The following TAF2 variants were observed in gnomAD, a reference collection of about 807,000 sequenced individuals.
TAF2 encodes transcription initiation factor TFIID subunit 2.
Under a neutral mutation model 138.5 loss-of-function variants are expected in TAF2, and 61 were observed. The observed-to-expected ratio is 0.44, with a 90% CI of 0.36 to 0.54. The LOEUF (loss-of-function observed/expected upper bound fraction) is 0.54, where lower values mean the gene tolerates loss of function less well. Among genes scored for constraint, TAF2 ranks in the 20% least tolerant of loss-of-function variants. The pLI is 0.00. For missense variants in TAF2, 1,090 were observed against 1,427.9 expected (o/e 0.76, Z 3.81); for synonymous variants, 475 against 469.9 (o/e 1.01, Z -0.14).
intron 2 of TAF2, among the ~76,000 whole-genome samples, chr8:119,819,853 A>C (rs758725134): frequency 6.6e-6 from 1 of 152,202 alleles, no homozygotes; most frequent in Non-Finnish European, 1.5e-5. Flanking sequence ...GCAGAAAGGG[A>C]ATCAAAATCA....
At chr8:119,770,855 G>A (rs1821782300) in intron 18 of TAF2, among the ~76,000 whole-genome samples, 1 of 152,216 alleles carries the variant, frequency 6.6e-6, no homozygotes, top group Admixed American at 6.5e-5. Context: ...CGGACTGCCT[G>A]AACTCAGGAG....
intron 23 of TAF2, chr8:119,744,972 C>A (rs1563820074): frequency 1.3e-5 from 6 of 456,154 alleles, no homozygotes; most frequent in Non-Finnish European, 2.6e-5. Context: ...ATCAGACTTC[C>A]TCTTCACTCC....
chr8:119,825,742 T>C (rs1420211193), intron 2 of TAF2, among the ~76,000 whole-genome samples: 1 of 152,152 alleles, frequency 6.6e-6, no homozygotes, highest in East Asian at 1.9e-4. Context: ...TGGAGGGCAG[T>C]GGTGCGATCT....
Position 119,793,437 on chromosome 8 carries a change from T to A in TAF2, c.1206A>T (p.Ile402=). ...RHWIKEELDK[I]VAYELKTGGV... ...CACCAGTTTTTAGTTCATATGCCAC[T>A]ATTTTGTCTAGCTCCTAAAAAATAT... Residue 402 remains isoleucine (I), a synonymous_variant, in exon 10 of 26, where the codon ATA becomes ATT. Transcript: ENST00000378164. 1 of 1,612,666 alleles carries A rather than the reference T, an allele frequency of 6.2e-7. No homozygotes were observed. The highest frequency in any genetic ancestry group is 8.5e-7 in the Non-Finnish European group (1 of 1,179,058).
chr8:119,744,480 G>A lies in TAF2; in HGVS notation c.3109-87C>T, dbSNP rs1819816911. 4 of 1,086,912 alleles carry A rather than the reference G, an allele frequency of 3.7e-6. No individual in the cohort carries two copies. The African/African-American group carries it at 6.2e-5, about 17-fold the overall frequency. The allele number at this position is 1,086,912 out of a possible 1,614,324, so 67.3% of individuals were successfully genotyped here. ...ATTAGCTCTTAGGAAAAGTAGCAGA[G>A]AGGCCATAGGATATACCCCCATATA... On this transcript the variant is annotated intron_variant, in intron 23 of 25. Coordinates refer to ENST00000378164, the MANE Select transcript of TAF2 (RefSeq NM_003184.4).
chr8:119,809,981 C>CA (rs1824926509), intron 3 of TAF2, among the ~76,000 whole-genome samples: 2 of 115,160 alleles, frequency 1.7e-5, no homozygotes, highest in South Asian at 6.0e-4. Context: ...GTAAGGTTAT[C>CA]ACAAACCTTC....
In TAF2 at chr8:119,781,159, G is replaced by A. The variant is rs1822623838; in HGVS notation, c.2147C>T (p.Pro716Leu). 3 of 1,613,980 alleles carry A rather than the reference G, an allele frequency of 1.9e-6. No homozygotes were observed. The highest frequency in any genetic ancestry group is 2.5e-6 in the Non-Finnish European group (3 of 1,180,000). ...AGTGAAGAGTGACTTCATGGCTGGTGGTCCTGTCCATGTGCTCACCATTGA... is the reference window on the plus strand; with the variant it reads ...AGTGAAGAGTGACTTCATGGCTGGTAGTCCTGTCCATGTGCTCACCATTGA... ...ANSMVSTWTG[P>L]PAMKSLFTRM... Residue 716 changes from proline to leucine, a missense_variant, in exon 17 of 26, where the codon CCA (proline) becomes CTA (leucine). By Grantham distance (98) the Pro-to-Leu change is moderately conservative. Coordinates refer to ENST00000378164, the MANE Select transcript of TAF2 (RefSeq NM_003184.4).
At chr8:119,794,908 T>C (rs185457154) in intron 9 of TAF2, among the ~76,000 whole-genome samples, 6 of 152,134 alleles carry the variant, frequency 3.9e-5, no homozygotes, top group Non-Finnish European at 8.8e-5. Context: ...AATGAAGATA[T>C]GAAAGGCTGC....
Position 119,795,524 on chromosome 8 carries a change from G to A in TAF2, c.1191+8C>T, listed in dbSNP as rs1054150866. Reference sequence around the variant, plus strand: ...TTGTAAGTGGATAAGGGATCTAGCTGTTATTACCTCTTTAATCCAATGGCG... The same window carrying A: ...TTGTAAGTGGATAAGGGATCTAGCTATTATTACCTCTTTAATCCAATGGCG... On this transcript the variant is annotated splice_region_variant and intron_variant, in intron 9 of 25. Transcript: ENST00000378164. The A allele has an allele frequency of 3.7e-6, 6 of 1,608,492 alleles. No individual in the cohort carries two copies. The highest frequency in any genetic ancestry group is 3.4e-6 in the Non-Finnish European group (4 of 1,175,234).
At chr8:119,791,603 A>C (rs1469481005) in intron 10 of TAF2, 144 bp from the exon 11 acceptor site, 4 of 904,082 alleles carry the variant, frequency 4.4e-6, no homozygotes, top group Non-Finnish European at 6.5e-6. Flanking sequence ...ACATCTAAAA[A>C]TAAACTTAAC....
chr8:119,806,357 C>T lies in TAF2; in HGVS notation c.344G>A (p.Ser115Asn). The T allele has an allele frequency of 1.2e-6, 2 of 1,613,968 alleles. No individual in the cohort carries two copies. The highest frequency in any genetic ancestry group is 8.5e-7 in the Non-Finnish European group (1 of 1,179,978). ...ATTTCCTGCATCAGGGTCCACAGCA[C>T]TAACTGCAGCTGCATAAGCATTGGA... ...YFSNAYAAAVSAVDPDAGNGE... is the reference protein window; with the variant it reads ...YFSNAYAAAVNAVDPDAGNGE... The change falls in exon 4 of 26, where the codon AGT becomes AAT. Residue 115 changes from serine (S) to asparagine (N), a missense_variant. This residue lies in a region of TAF2 where 504 missense variants were observed against 680.9 expected (regional missense o/e 0.74). Coordinates refer to ENST00000378164, the MANE Select transcript of TAF2 (RefSeq NM_003184.4).
At position 119,791,423 on chromosome 8, in the gene TAF2, T is replaced by C. The variant is rs200666828; in HGVS notation, c.1314A>G (p.Pro438=). 6.2e-7 allele frequency: 1 copy of C among 1,613,750 alleles called. No homozygotes were observed. The highest frequency in any genetic ancestry group is 1.3e-5 in the African/African-American group (1 of 75,004). The change falls in exon 11 of 26, where the codon CCA becomes CCG. Residue 438 remains proline, a synonymous_variant. Coordinates refer to ENST00000378164, the MANE Select transcript of TAF2 (RefSeq NM_003184.4). ...ASHLHFSIKH[P]HTLSWEYYSM... The stretch of plus-strand genomic sequence containing the variant: ...TGTAGTATTCCCAGGACAGTGTATG[T>C]GGATGCTTTATTGAAAAGTGTAGAT...
intron 25 of TAF2, among the ~76,000 whole-genome samples, chr8:119,734,665 G>A (rs528588410): frequency 3.9e-5 from 6 of 151,966 alleles, no homozygotes; most frequent in Non-Finnish European, 5.9e-5. Flanking sequence ...AACTATATTG[G>A]GACTGGGGAA....
Position 119,803,976 on chromosome 8 carries a change from C to G in TAF2, c.462G>C (p.Gln154His). 1 of 1,614,028 alleles carries G rather than the reference C, an allele frequency of 6.2e-7. No homozygotes were observed. The highest frequency in any genetic ancestry group is 8.5e-7 in the Non-Finnish European group (1 of 1,179,968). The change falls in exon 5 of 26, where the codon CAG (glutamine) becomes CAC (histidine). Residue 154 changes from glutamine (Q) to histidine (H), a missense_variant. Around this residue, in one of 3 missense-constraint regions of TAF2, gnomAD observed 504 missense variants for 680.9 expected, o/e 0.74. Coordinates refer to ENST00000378164, the MANE Select transcript of TAF2 (RefSeq NM_003184.4). ...LKIHINFSLD[Q>H]PKGGLHFVVP... ...CCACAAAATGAAGACCTCCTTTGGG[C>G]TGATCCAAAGAAAAATTGATGTGTA...
At chr8:119,829,950 C>T (rs1826341174) in intron 2 of TAF2, among the ~76,000 whole-genome samples, 2 of 150,324 alleles carry the variant, frequency 1.3e-5, no homozygotes, top group Admixed American at 6.6e-5. Context: ...AGTTCGCCTC[C>T]CAGGTTCGGC....
At position 119,803,941 on chromosome 8, in the gene TAF2, A is replaced by G; in HGVS notation, c.497T>C (p.Val166Ala). 1 of 1,614,088 alleles carries G rather than the reference A, an allele frequency of 6.2e-7. No homozygotes were observed. Among genetic ancestry groups the G allele is most frequent in the Non-Finnish European group, 8.5e-7 (1 of 1,179,984 alleles). ...KGGLHFVVPSVEGSMAERGAH... is the reference protein window; with the variant it reads ...KGGLHFVVPSAEGSMAERGAH... ...ACCTCTCTCTGCCATACTTCCCTCT[A>G]CACTGGGTACCACAAAATGAAGACC... Residue 166 changes from valine to alanine, a missense_variant, in exon 5 of 26, where the codon GTA becomes GCA. Physicochemically the swap from Val to Ala is moderately conservative, Grantham distance 64 (BLOSUM62 0). Around this residue, in one of 3 missense-constraint regions of TAF2, gnomAD observed 504 missense variants for 680.9 expected, o/e 0.74. Transcript: ENST00000378164.
At chr8:119,821,184 T>C (rs964119542) in intron 2 of TAF2, among the ~76,000 whole-genome samples, 2 of 152,240 alleles carry the variant, frequency 1.3e-5, no homozygotes, top group African/African-American at 4.8e-5. Context: ...CCTAGGGCTC[T>C]AACCTACAGC....
intron 12 of TAF2, among the ~76,000 whole-genome samples, 198 bp from the exon 13 acceptor site, chr8:119,789,102 GA>G (rs1350318908): frequency 6.6e-6 from 1 of 152,150 alleles, no homozygotes; most frequent in Non-Finnish European, 1.5e-5. Context: ...TAAAATTTCT[GA>G]AACACTGACA....
chr8:119,797,768 A>G lies in TAF2; in HGVS notation c.871T>C (p.Tyr291His). 1 of 1,613,642 alleles carries G rather than the reference A, an allele frequency of 6.2e-7. No homozygotes were observed. Among genetic ancestry groups the G allele is most frequent in the Non-Finnish European group, 8.5e-7 (1 of 1,179,710 alleles). The stretch of plus-strand genomic sequence containing the variant: ...TAACGACATGTAAGAATTTCTTCAT[A>G]AAATTCAAAGACTTCATGAAGGTAT... ...TSYLHEVFEF[Y>H]EEILTCRYPY... Residue 291 changes from tyrosine to histidine, a missense_variant, in exon 7 of 26, where the codon TAT becomes CAT. This residue lies in a region of TAF2 where 504 missense variants were observed against 680.9 expected (regional missense o/e 0.74). Coordinates refer to ENST00000378164, the MANE Select transcript of TAF2 (RefSeq NM_003184.4).
Sources: gnomAD v4.1 joint callset for allele counts (sites outside exome capture counted in the v4.1 genomes callset) on GRCh38, gnomAD v4.1.1 for gene constraint, gnomAD v4.1.1 regional missense constraint, MANE v1.5 for transcripts, NCBI Gene and HGNC (gene_info 2026-07-23, HGNC 2026-07-21) for gene names.